RIMBP2: variants seen among roughly 807,000 people sequenced by gnomAD.
RIMBP2 encodes RIMS-binding protein 2.
RIMBP2 carries 48 observed loss-of-function variants against 118.6 expected under a neutral mutation model. The ratio of observed to expected loss-of-function variants is 0.40; its 90% CI spans 0.32 to 0.51. The LOEUF is 0.51. RIMBP2 is among the 20% of genes least tolerant of loss of function. The pLI is 0.41. For missense variants in RIMBP2, 1,551 were observed against 1,768.3 expected, an observed-to-expected ratio of 0.88 and a Z score of 2.20; for synonymous variants, 762 against 742.9, an observed-to-expected ratio of 1.03 and a Z score of -0.42.
At chr12:130,608,022 T>C (rs1413282147) in intron 2 of RIMBP2, among the ~76,000 whole-genome samples, 1 of 152,102 alleles carries the variant, frequency 6.6e-6, no homozygotes, top group Non-Finnish European at 1.5e-5. Context: ...GCCACTGAAG[T>C]AAATATGCTC....
chr12:130,704,358 C>A (rs1336759065), intron 1 of RIMBP2, among the ~76,000 whole-genome samples: 2 of 152,194 alleles, frequency 1.3e-5, no homozygotes, highest in Non-Finnish European at 2.9e-5. Context: ...GGTGGATCAC[C>A]TGAGGTCAGG....
intron 4 of RIMBP2, among the ~76,000 whole-genome samples, chr12:130,485,151 C>T (rs778254480): frequency 3.3e-5 from 5 of 152,202 alleles, no homozygotes; most frequent in African/African-American, 1.2e-4. Flanking sequence ...CAGGGCTGCA[C>T]CAACAGGATG....
intron 14 of RIMBP2, chr12:130,429,638 T>A (rs2077031973): frequency 6.6e-6 from 1 of 152,158 alleles, no homozygotes; most frequent in South Asian, 2.1e-4. Flanking sequence ...TTCTGTGACG[T>A]ATTTATCTAA....
chr12:130,584,931 C>T (rs939168958), intron 2 of RIMBP2, among the ~76,000 whole-genome samples: 3 of 152,014 alleles, frequency 2.0e-5, no homozygotes, highest in African/African-American at 7.2e-5. Context: ...TGCTATGTCA[C>T]CCAGGCTGGA....
chr12:130,536,109 C>T (rs1440382187), intron 2 of RIMBP2, among the ~76,000 whole-genome samples: 1 of 152,034 alleles, frequency 6.6e-6, no homozygotes, highest in Non-Finnish European at 1.5e-5. Flanking sequence ...TTTTATTCCC[C>T]ATTTTATGGG....
At chr12:130,653,039 G>A (rs745730195) in intron 1 of RIMBP2, among the ~76,000 whole-genome samples, 13 of 152,212 alleles carry the variant, frequency 8.5e-5, no homozygotes, top group Non-Finnish European at 1.8e-4. Context: ...CATCCCAACC[G>A]TATCATTCTG....
In RIMBP2 at chr12:130,576,710, C is replaced by T. The variant is rs926916083; in HGVS notation, c.-217+51612G>A. Reference sequence around the variant, plus strand: ...CCTTAGCACAAACTGCCAGCAGCAGCGAGGAGGAGCCCCGCCGAGCGCCGA... The same window carrying T: ...CCTTAGCACAAACTGCCAGCAGCAGTGAGGAGGAGCCCCGCCGAGCGCCGA... On this transcript the variant is annotated intron_variant, in intron 2 of 22. Coordinates refer to ENST00000690449, the MANE Select transcript of RIMBP2 (RefSeq NM_001393629.1). This position sits in a 1 kb window ranked among gnomAD's most constrained non-coding sequence, Gnocchi z 4.2. Among the ~76,000 whole-genome samples, 12 of 152,294 alleles carry T rather than the reference C, an allele frequency of 7.9e-5. No homozygotes were observed. Among genetic ancestry groups the T allele is most frequent in the Non-Finnish European group, 1.3e-4 (9 of 68,030 alleles).
intron 11 of RIMBP2, among the ~76,000 whole-genome samples, chr12:130,438,934 G>C (rs2077766980): frequency 6.6e-6 from 1 of 152,074 alleles, no homozygotes; most frequent in Non-Finnish European, 1.5e-5. Context: ...GAATGGAAGA[G>C]AGATCTTGGC....
rs751138965 is a variant in RIMBP2 at position 130,437,128 on chromosome 12, G to A, written c.1820C>T (p.Thr607Ile). 3.7e-5 allele frequency: 59 copies of A among 1,584,438 alleles called. No homozygotes were observed. Among genetic ancestry groups the A allele is most frequent in the Non-Finnish European group, 4.9e-5 (57 of 1,164,426 alleles). The change falls in exon 13 of 23, where the codon ACC becomes ATC. Residue 607 changes from threonine (T) to isoleucine (I), a missense_variant. Physicochemically the swap from Thr to Ile is moderately conservative, Grantham distance 89. Transcript: ENST00000690449. ...TTGGGGTGCAGGTCTCGGGTGGGGG[G>A]TAGGAGGCACCAGGAGCTCGGGGGG... ...AVPPELLVPP[T>I]PHPRPAPQSK... is the part of the protein sequence containing the mutation.
intron 6 of RIMBP2, among the ~76,000 whole-genome samples, chr12:130,459,704 G>T (rs1593382238): frequency 1.3e-5 from 2 of 152,076 alleles, no homozygotes; most frequent in Admixed American, 6.5e-5. Flanking sequence ...AGGAGGACAG[G>T]TCGTCGCAAT....
At chr12:130,478,869 G>T in intron 5 of RIMBP2, 43 bp downstream of exon 5, 1 of 1,481,630 alleles carries the variant, frequency 6.7e-7, no homozygotes, top group South Asian at 1.2e-5. Context: ...CCCACCCGTG[G>T]ACTCCCTGCC....
In RIMBP2 at chr12:130,431,263, A is replaced by G. The variant is rs2077131745; in HGVS notation, c.2254-2926T>C. ...AAAGTGGAGGCTTCCACCCACTAGAACATCGGTGTCTTGGAGCAGATGGGA... is the reference window on the plus strand; with the variant it reads ...AAAGTGGAGGCTTCCACCCACTAGAGCATCGGTGTCTTGGAGCAGATGGGA... On this transcript the variant is annotated intron_variant, in intron 14 of 22. Transcript: ENST00000690449. The surrounding 1 kb of genome is among the most constrained non-coding windows in gnomAD (Gnocchi z 4.0). 6.6e-6 allele frequency among the ~76,000 whole-genome samples: 1 copy of G among 152,118 alleles called. No homozygotes were observed. Among genetic ancestry groups the G allele is most frequent in the South Asian group, 2.1e-4 (1 of 4,816 alleles).
chr12:130,595,552 AAATAAT>A (rs952922777), intron 2 of RIMBP2, among the ~76,000 whole-genome samples: 4 of 151,632 alleles, frequency 2.6e-5, no homozygotes, highest in East Asian at 1.9e-4. Context: ...TCCGTCTCAA[AAATAAT>A]AATAATAATA....
At chr12:130,413,153 G>T (rs1027208186) in intron 18 of RIMBP2, among the ~76,000 whole-genome samples, 1 of 152,166 alleles carries the variant, frequency 6.6e-6, no homozygotes, top group Admixed American at 6.5e-5. Flanking sequence ...TGGTGTTTCT[G>T]TCTGCCTGAA....
At position 130,621,068 on chromosome 12, in the gene RIMBP2, AGTCACC is replaced by A. The variant is rs1210499751; in HGVS notation, c.-217+7248_-217+7253del. ...TGCACACACCTCTGTAAGGAGATGG[AGTCACC>A]CCTTAGTGAGGGTGGGTTCATTTTT... On this transcript the variant is annotated intron_variant, in intron 2 of 22. Coordinates refer to ENST00000690449, the MANE Select transcript of RIMBP2 (RefSeq NM_001393629.1). The surrounding 1 kb of genome is among the most constrained non-coding windows in gnomAD (Gnocchi z 6.6). Among the ~76,000 whole-genome samples, 1 of 152,180 alleles carries A rather than the reference AGTCACC, an allele frequency of 6.6e-6. No individual in the cohort carries two copies. Among genetic ancestry groups the A allele is most frequent in the East Asian group, 1.9e-4 (1 of 5,178 alleles).
At chr12:130,455,375 C>T (rs923598878) in intron 7 of RIMBP2, among the ~76,000 whole-genome samples, 2 of 152,120 alleles carry the variant, frequency 1.3e-5, no homozygotes, top group African/African-American at 4.8e-5. Context: ...ATCGTCTGCC[C>T]GCCAGCGGGA....
intron 2 of RIMBP2, among the ~76,000 whole-genome samples, chr12:130,552,817 C>T (rs911785914): frequency 2.6e-5 from 4 of 152,138 alleles, no homozygotes; most frequent in Non-Finnish European, 5.9e-5. Flanking sequence ...TTAAGAGATA[C>T]CCAGGGTCAT....
In RIMBP2 at chr12:130,649,081, T is replaced by C. The variant is rs373806269; in HGVS notation, c.-351-20625A>G. 2.3e-4 allele frequency among the ~76,000 whole-genome samples: 34 copies of C among 146,032 alleles called. 2 individuals carry two copies. Among genetic ancestry groups the C allele is most frequent in the African/African-American group, 8.1e-4 (33 of 40,866 alleles). ...AGGCACGGGAGCAGATCTCCCGGCT[T>C]TTCCTGCCCTTCGTGGCGGCCGATA... On this transcript the variant is annotated intron_variant, in intron 1 of 22. Coordinates refer to ENST00000690449, the MANE Select transcript of RIMBP2 (RefSeq NM_001393629.1).
intron 2 of RIMBP2, among the ~76,000 whole-genome samples, chr12:130,536,976 G>A (rs2054139862): frequency 6.6e-6 from 1 of 152,140 alleles, no homozygotes; most frequent in South Asian, 2.1e-4. Context: ...ACCCCAAATT[G>A]GGAGATATTC....
Sources: allele counts gnomAD v4.1 joint callset (sites outside exome capture counted in the v4.1 genomes callset), GRCh38; gene constraint gnomAD v4.1.1; non-coding constraint Gnocchi (gnomAD v3.1); transcripts MANE v1.5; gene names NCBI Gene and HGNC (gene_info 2026-07-23, HGNC 2026-07-21).